The following PPP1CB variants were observed in gnomAD, a reference collection of about 807,000 sequenced individuals.
The protein encoded by PPP1CB is protein phosphatase 1 catalytic subunit beta.
In PPP1CB, 2 loss-of-function variants were observed where a neutral mutation model predicts 43.7. That is an observed-to-expected ratio of 0.05 (90% CI 0.02 to 0.14). PPP1CB has a LOEUF of 0.14. Among genes scored for constraint, PPP1CB ranks in the 10% least tolerant of loss-of-function variants. PPP1CB has a pLI of 1.00. For missense variants in PPP1CB, 84 were observed against 398.0 expected, an observed-to-expected ratio of 0.21 and a Z score of 6.71; for synonymous variants, 136 against 135.6, an observed-to-expected ratio of 1.00 and a Z score of -0.02.
intron 1 of PPP1CB, among the ~76,000 whole-genome samples, chr2:28,769,277 C>T (rs532423240): frequency 1.8e-4 from 28 of 152,238 alleles, no homozygotes; most frequent in Admixed American, 5.2e-4. Context: ...CTCGTGTGGC[C>T]GAGGCTTGGA....
intron 7 of PPP1CB, among the ~76,000 whole-genome samples, chr2:28,795,360 A>G (rs1162536322): frequency 6.6e-6 from 1 of 152,116 alleles, no homozygotes; most frequent in Non-Finnish European, 1.5e-5. Flanking sequence ...TGCTGGGTCG[A>G]ATGGTGGTTG....
chr2:28,791,813 G>A (rs757824693), intron 6 of PPP1CB, among the ~76,000 whole-genome samples: 8 of 151,988 alleles, frequency 5.3e-5, no homozygotes, highest in Non-Finnish European at 1.0e-4. Flanking sequence ...TAAAAATCAG[G>A]TTTCTGAACT....
chr2:28,798,867 G>A (rs1169987622), intron 7 of PPP1CB, among the ~76,000 whole-genome samples: 1 of 152,064 alleles, frequency 6.6e-6, no homozygotes, highest in Non-Finnish European at 1.5e-5. Context: ...CTAAGTTACT[G>A]TATCAGAATT....
intron 1 of PPP1CB, among the ~76,000 whole-genome samples, chr2:28,776,383 T>C (rs1223625230): frequency 1.3e-5 from 2 of 152,092 alleles, no homozygotes; most frequent in Non-Finnish European, 2.9e-5. Flanking sequence ...TAACTCAGCC[T>C]CCCAATTAGC....
chr2:28,801,663 A>G lies in PPP1CB; in HGVS notation c.*2360A>G, dbSNP rs1239248197. The G allele has an allele frequency of 1.3e-5, 2 of 152,204 alleles. No homozygotes were observed. Among genetic ancestry groups the G allele is most frequent in the Non-Finnish European group, 2.9e-5 (2 of 68,006 alleles). The allele number at this position is 152,204 out of a possible 1,614,324, so 9.4% of individuals were successfully genotyped here. A position where few individuals can be genotyped will look rare whatever the true frequency, so the allele number is the denominator to read the frequency against. On this transcript the variant is annotated 3_prime_UTR_variant, in exon 8 of 8. Coordinates refer to ENST00000395366, the MANE Select transcript of PPP1CB (RefSeq NM_002709.3). ...GTTTCTTAGGAGAAAATGATTCTGT[A>G]ATTCCAGTGTCACTAATTTATATTG...
At chr2:28,783,612 C>G (rs964887181) in intron 4 of PPP1CB, among the ~76,000 whole-genome samples, 2 of 151,984 alleles carry the variant, frequency 1.3e-5, no homozygotes, top group Non-Finnish European at 2.9e-5. Flanking sequence ...AAAAAATTAG[C>G]TGGATGTGGT....
At chr2:28,792,566 A>T (rs764523826) in intron 6 of PPP1CB, among the ~76,000 whole-genome samples, 1 of 152,106 alleles carries the variant, frequency 6.6e-6, no homozygotes. Flanking sequence ...CATGAGTGCC[A>T]TTTGCTATGT....
Position 28,800,835 on chromosome 2 carries a change from C to T in PPP1CB, c.*1532C>T, listed in dbSNP as rs1295466324. ...GATGTGACATTTTTGACCTTAATAT[C>T]GTCTTTGAAAATGTTAAATTGAGAA... On this transcript the variant is annotated 3_prime_UTR_variant, in exon 8 of 8. Coordinates refer to ENST00000395366, the MANE Select transcript of PPP1CB (RefSeq NM_002709.3). 6.6e-6 allele frequency: 1 copy of T among 152,412 alleles called. No homozygotes were observed. Among genetic ancestry groups the T allele is most frequent in the African/African-American group, 2.4e-5 (1 of 41,418 alleles). 9.4% of individuals were successfully genotyped at this position (152,412 alleles called of 1,614,324 possible). A position where few individuals can be genotyped will look rare whatever the true frequency, so the allele number is the denominator to read the frequency against.
intron 6 of PPP1CB, among the ~76,000 whole-genome samples, chr2:28,790,462 C>T (rs1388643722): frequency 2.6e-5 from 4 of 152,250 alleles, no homozygotes; most frequent in African/African-American, 9.6e-5. Flanking sequence ...GCCTCAGCCT[C>T]CCGAGTAGCT....
intron 1 of PPP1CB, among the ~76,000 whole-genome samples, chr2:28,758,757 G>A (rs1465720649): frequency 6.6e-6 from 1 of 152,176 alleles, no homozygotes; most frequent in East Asian, 1.9e-4. Flanking sequence ...TAACCTTCGT[G>A]AACATCACTG....
rs1667602808 is a variant in PPP1CB at position 28,800,955 on chromosome 2, A to G, written c.*1652A>G. 1 of 152,542 alleles carries G rather than the reference A, an allele frequency of 6.6e-6. No homozygotes were observed. Among genetic ancestry groups the G allele is most frequent in the Non-Finnish European group, 1.5e-5 (1 of 67,960 alleles). The allele number at this position is 152,542 out of a possible 1,614,324, so 9.4% of individuals were successfully genotyped here. The stretch of plus-strand genomic sequence containing the variant: ...ACAGTGCAAAAGTTCTTTAAAATGC[A>G]TATGTCTTTTTTTCTAATTCCGTTT... On this transcript the variant is annotated 3_prime_UTR_variant, in exon 8 of 8. Transcript: ENST00000395366.
chr2:28,795,287 A>G (rs1236417843), intron 7 of PPP1CB, among the ~76,000 whole-genome samples: 2 of 152,150 alleles, frequency 1.3e-5, no homozygotes, highest in African/African-American at 4.8e-5. Flanking sequence ...TGCTATTGTG[A>G]ATAGTGCTGT....
rs1667561827 is a variant in PPP1CB, at chr2:28,799,425, A to AGGAGACGGGTAAAGGATCTTAAATTT, written c.*123_*148dup. On this transcript the variant is annotated 3_prime_UTR_variant, in exon 8 of 8. Transcript: ENST00000395366. ...TTTATGATGTCACACCTTTAACTTA[A>AGGAGACGGGTAAAGGATCTTAAATTT]GGAGACGGGTAAAGGATCTTAAATT... 1 of 701,522 alleles carries AGGAGACGGGTAAAGGATCTTAAATTT rather than the reference A, an allele frequency of 1.4e-6. No homozygotes were observed. The allele number at this position is 701,522 out of a possible 1,614,324, so 43.5% of individuals were successfully genotyped here.
intron 5 of PPP1CB, among the ~76,000 whole-genome samples, chr2:28,785,911 T>C (rs140887706): frequency 6.6e-6 from 1 of 152,292 alleles, no homozygotes; most frequent in African/African-American, 2.4e-5. Flanking sequence ...TGTAAACTGA[T>C]CTAGTGTGAT....
At chr2:28,793,750 G>GT in intron 6 of PPP1CB, 113 bp from the exon 7 acceptor site, 1 of 1,104,092 alleles carries the variant, frequency 9.1e-7, no homozygotes, top group Non-Finnish European at 1.3e-6. Flanking sequence ...ACAAAACAGG[G>GT]TGGTTTGGGG....
At chr2:28,766,250 A>G (rs937086257) in intron 1 of PPP1CB, among the ~76,000 whole-genome samples, 2 of 152,218 alleles carry the variant, frequency 1.3e-5, no homozygotes, top group Middle Eastern at 3.2e-3. Context: ...TAAGCCATCA[A>G]AATCCTGTGT....
intron 1 of PPP1CB, among the ~76,000 whole-genome samples, chr2:28,772,282 C>T (rs1055317680): frequency 6.6e-6 from 1 of 152,060 alleles, no homozygotes; most frequent in Non-Finnish European, 1.5e-5. Flanking sequence ...GCCTGGGTGA[C>T]GGAGCGAGAC....
intron 1 of PPP1CB, among the ~76,000 whole-genome samples, chr2:28,754,279 C>T (rs1048789966): frequency 8.3e-6 from 1 of 120,002 alleles, no homozygotes; most frequent in Non-Finnish European, 1.6e-5. Flanking sequence ...TAAGTGATTC[C>T]ATTTGTTTTT....
At chr2:28,768,399 C>G (rs1003993311) in intron 1 of PPP1CB, among the ~76,000 whole-genome samples, 4 of 152,124 alleles carry the variant, frequency 2.6e-5, no homozygotes, top group Admixed American at 1.3e-4. Context: ...GCAGTCAGGT[C>G]CCTCTAAAGT....
Sources: gnomAD v4.1 joint callset for allele counts (sites outside exome capture counted in the v4.1 genomes callset) on GRCh38, gnomAD v4.1.1 for gene constraint, MANE v1.5 for transcripts, NCBI Gene and HGNC (gene_info 2026-07-23, HGNC 2026-07-21) for gene names.